Variants in SLC44A5 observed in about 807,000 individuals in gnomAD.
SLC44A5 encodes the protein solute carrier family 44 member 5.
In SLC44A5, 57 loss-of-function variants were observed where a neutral mutation model predicts 101.8. The observed-to-expected ratio is 0.56, with a 90% confidence interval of 0.45 to 0.70. SLC44A5 has a LOEUF of 0.70. SLC44A5 is among the 30% of genes least tolerant of loss of function. The pLI is 0.00. For synonymous variants in SLC44A5, 281 were observed against 290.9 expected (o/e 0.97, Z 0.35); for missense variants, 737 against 853.1 (o/e 0.86, Z 1.70).
intron 4 of SLC44A5, among the ~76,000 whole-genome samples, chr1:75,312,027 AG>A (rs1300643504): frequency 6.6e-6 from 1 of 152,072 alleles, no homozygotes; most frequent in Non-Finnish European, 1.5e-5. Context: ...CATGTTGATG[AG>A]GGGGGCTGGT....
chr1:75,674,434 C>T, the SLC44A5 span, among the ~76,000 whole-genome samples: 9 of 152,010 alleles, frequency 5.9e-5, no homozygotes, highest in Admixed American at 5.2e-4. Flanking sequence ...GGCTGGAGTG[C>T]AATGGCACGA....
intron 5 of SLC44A5, among the ~76,000 whole-genome samples, chr1:75,290,867 T>G (rs552117349): frequency 6.6e-6 from 1 of 152,312 alleles, no homozygotes; most frequent in East Asian, 1.9e-4. Flanking sequence ...ATATAAGGTT[T>G]TCAGACTTTC....
chr1:75,453,689 G>C (rs770146523), intron 2 of SLC44A5, among the ~76,000 whole-genome samples: 1 of 151,882 alleles, frequency 6.6e-6, no homozygotes, highest in Non-Finnish European at 1.5e-5. Flanking sequence ...GGATACAAAC[G>C]AGCTCAATCA....
intron 2 of SLC44A5, among the ~76,000 whole-genome samples, chr1:75,523,251 G>A (rs1670237438): frequency 6.6e-6 from 1 of 152,106 alleles, no homozygotes; most frequent in Non-Finnish European, 1.5e-5. Flanking sequence ...ATGTGGATAT[G>A]ACTCTGGGGA....
intron 2 of SLC44A5, among the ~76,000 whole-genome samples, chr1:75,537,034 A>AAAAAAAAAAAATATATATATG (rs1553199990): frequency 1.1e-4 from 2 of 18,652 alleles, no homozygotes; most frequent in African/African-American, 2.1e-4. Flanking sequence ...AAAAAAAAAA[A>AAAAAAAAAAAATATATATATG]TATATATCTA....
chr1:75,346,539 G>T (rs1219163575), intron 3 of SLC44A5, among the ~76,000 whole-genome samples: 1 of 152,060 alleles, frequency 6.6e-6, no homozygotes, highest in Non-Finnish European at 1.5e-5. Flanking sequence ...TTGAAAAACT[G>T]ATTTTTCTTG....
the SLC44A5 span, among the ~76,000 whole-genome samples, chr1:75,619,145 GCAGGGAGTGAGA>G: frequency 1.9e-4 from 28 of 150,204 alleles, no homozygotes; most frequent in South Asian, 1.1e-3. Flanking sequence ...CGGGAAGGAG[GCAGGGAGTGAGA>G]CAGGGAGTGA....
chr1:75,315,094 C>T (rs11163095), intron 4 of SLC44A5, among the ~76,000 whole-genome samples: 59,905 of 151,922 alleles, frequency 0.39, 12,365 homozygotes, highest in East Asian at 0.82. Flanking sequence ...CACAACAGAG[C>T]TGCAGGATTA....
intron 4 of SLC44A5, among the ~76,000 whole-genome samples, chr1:75,330,365 C>T (rs1297215660): frequency 2.6e-5 from 4 of 151,974 alleles, no homozygotes; most frequent in Non-Finnish European, 5.9e-5. Flanking sequence ...CCGTGATGGC[C>T]TTACCTCATA....
chr1:75,219,767 T>C, intron 15 of SLC44A5, 33 bp downstream of exon 15: 1 of 1,392,192 alleles, frequency 7.2e-7, no homozygotes, highest in Non-Finnish European at 1.0e-6. Context: ...CATGTGAACC[T>C]GAGGTTTAAA....
At chr1:75,376,944 A>G (rs1660668844) in intron 3 of SLC44A5, among the ~76,000 whole-genome samples, 1 of 152,174 alleles carries the variant, frequency 6.6e-6, no homozygotes, top group African/African-American at 2.4e-5. Flanking sequence ...ATTTAGAAGA[A>G]TGTAAAACTA....
chr1:75,235,987 G>A (rs1290894397), intron 11 of SLC44A5, among the ~76,000 whole-genome samples: 1 of 151,972 alleles, frequency 6.6e-6, no homozygotes, highest in Non-Finnish European at 1.5e-5. Context: ...TGGGTATGAG[G>A]AACACATAAG....
chr1:75,603,751 A>C, intron 1 of SLC44A5, among the ~76,000 whole-genome samples: 1 of 7,580 alleles, frequency 1.3e-4, no homozygotes, highest in African/African-American at 6.2e-4. Flanking sequence ...GCATTTTTTC[A>C]TGTTTTTTTT....
rs1214753075 is a variant in SLC44A5 at position 75,482,745 on chromosome 1, T to C, written c.13+58690A>G. ...ATGAAATGGAAGATCATAAAACAAATAAATAGCAAAGCCTCTGTCCTTAAG... is the reference window on the plus strand; with the variant it reads ...ATGAAATGGAAGATCATAAAACAAACAAATAGCAAAGCCTCTGTCCTTAAG... On this transcript the variant is annotated intron_variant, in intron 2 of 23. Coordinates refer to ENST00000370859, the MANE Select transcript of SLC44A5 (RefSeq NM_001130058.2). 2.0e-5 allele frequency among the ~76,000 whole-genome samples: 3 copies of C among 152,164 alleles called. No individual in the cohort carries two copies. The East Asian group carries it at 5.8e-4, about 29-fold the overall frequency.
At chr1:75,349,460 G>A (rs1249588078) in intron 3 of SLC44A5, among the ~76,000 whole-genome samples, 2 of 152,188 alleles carry the variant, frequency 1.3e-5, no homozygotes, top group Non-Finnish European at 2.9e-5. Context: ...AGAGATGATG[G>A]AGACAGGCAA....
intron 3 of SLC44A5, among the ~76,000 whole-genome samples, chr1:75,358,889 A>T (rs1330637097): frequency 6.6e-6 from 1 of 152,162 alleles, no homozygotes; most frequent in Non-Finnish European, 1.5e-5. Flanking sequence ...TATACAATGT[A>T]TTATTGACTT....
intron 3 of SLC44A5, among the ~76,000 whole-genome samples, chr1:75,370,242 A>G (rs1469685545): frequency 6.6e-6 from 1 of 152,246 alleles, no homozygotes; most frequent in Admixed American, 6.5e-5. Context: ...ATGCTGTAAC[A>G]TAAACTTATA....
chr1:75,342,458 T>C (rs1254683174), intron 3 of SLC44A5, among the ~76,000 whole-genome samples: 1 of 152,080 alleles, frequency 6.6e-6, no homozygotes, highest in African/African-American at 2.4e-5. Context: ...AATGAGGAAG[T>C]TGGGGTACAG....
intron 4 of SLC44A5, among the ~76,000 whole-genome samples, chr1:75,329,446 AT>A (rs4035438): frequency 0.33 from 49,584 of 148,364 alleles, 9,218 homozygotes; most frequent in East Asian, 0.82. Flanking sequence ...ACATTTCTTG[AT>A]TTTTTTTTTT....
Sources: gnomAD v4.1 joint callset for allele counts (sites outside exome capture counted in the v4.1 genomes callset) on GRCh38, gnomAD v4.1.1 for gene constraint, MANE v1.5 for transcripts, NCBI Gene and HGNC (gene_info 2026-07-23, HGNC 2026-07-21) for gene names.